SMYD3: variants seen among roughly 807,000 people sequenced by gnomAD.
The protein encoded by SMYD3 is histone-lysine N-methyltransferase SMYD3.
In SMYD3, 36 loss-of-function variants were observed where a neutral mutation model predicts 57.7. The observed-to-expected ratio is 0.62, with a 90% CI of 0.48 to 0.82. The LOEUF (loss-of-function observed/expected upper bound fraction) is 0.82. SMYD3 is among the 40% of genes least tolerant of loss of function. The pLI is 0.00. For missense variants in SMYD3, 515 were observed against 538.8 expected, an observed-to-expected ratio of 0.96 and a Z score of 0.44; for synonymous variants, 211 against 195.0, an observed-to-expected ratio of 1.08 and a Z score of -0.68.
At chr1:246,055,103 G>A (rs1369443661) in intron 5 of SMYD3, among the ~76,000 whole-genome samples, 3 of 151,940 alleles carry the variant, frequency 2.0e-5, no homozygotes, top group Non-Finnish European at 4.4e-5. Flanking sequence ...GTGAACCCGG[G>A]TGGCAGAGCT....
rs75069275 is a variant in SMYD3, at chr1:245,877,997, C to T, written c.814-14111G>A. On this transcript the variant is annotated intron_variant, in intron 8 of 11. Coordinates refer to ENST00000490107, the MANE Select transcript of SMYD3 (RefSeq NM_001167740.2). ...GGAGAAGTAAAGGAGGGCACGGAAA[C>T]GAAAGGAGAGTGTTCCCAGGAGGAG... Among the ~76,000 whole-genome samples the T allele has an allele frequency of 4.0e-3, 612 of 152,072 alleles. 4 individuals carry two copies. Among genetic ancestry groups the T allele is most frequent in the Non-Finnish European group, 6.4e-3 (435 of 67,988 alleles).
intron 1 of SMYD3, among the ~76,000 whole-genome samples, chr1:246,468,117 C>T (rs937579855): frequency 2.7e-5 from 4 of 150,406 alleles, no homozygotes; most frequent in Admixed American, 2.7e-4. Flanking sequence ...GCCATGATCT[C>T]ACCACTGCAC....
At chr1:246,174,665 T>C (rs1198797908) in intron 5 of SMYD3, among the ~76,000 whole-genome samples, 1 of 152,206 alleles carries the variant, frequency 6.6e-6, no homozygotes, top group Non-Finnish European at 1.5e-5. Flanking sequence ...CAGGCTGGTC[T>C]CAAACTCCTG....
At chr1:245,758,276 CAT>C (rs1233970882) in intron 11 of SMYD3, among the ~76,000 whole-genome samples, 3 of 152,098 alleles carry the variant, frequency 2.0e-5, no homozygotes, top group African/African-American at 7.2e-5. Flanking sequence ...TTAGTTCTAA[CAT>C]TTTTTGGTGT....
chr1:246,059,341 A>C (rs199851154), intron 5 of SMYD3, among the ~76,000 whole-genome samples: 11,473 of 136,010 alleles, frequency 0.084, 497 homozygotes, highest in African/African-American at 0.13. Flanking sequence ...TTACCTAGAG[A>C]AAAAAAAAAA....
At chr1:246,327,675 T>A (rs868053486) in intron 4 of SMYD3, among the ~76,000 whole-genome samples, 3 of 152,236 alleles carry the variant, frequency 2.0e-5, no homozygotes, top group African/African-American at 7.2e-5. Flanking sequence ...TATCAGTTCT[T>A]ATTAAGTCAG....
At chr1:245,880,926 C>CTCAAAAACAT (rs1202650354) in intron 8 of SMYD3, among the ~76,000 whole-genome samples, 40 of 152,140 alleles carry the variant, frequency 2.6e-4, no homozygotes, top group Non-Finnish European at 4.4e-5. Flanking sequence ...AAAGAGTGTG[C>CTCAAAAACAT]TGAGATCAGC....
intron 10 of SMYD3, among the ~76,000 whole-genome samples, chr1:245,791,920 A>G (rs1199890466): frequency 6.7e-6 from 1 of 149,318 alleles, no homozygotes; most frequent in Non-Finnish European, 1.5e-5. Flanking sequence ...AGACCATCTG[A>G]TTAGACTGTT....
At chr1:245,991,158 A>G (rs972572096) in intron 5 of SMYD3, among the ~76,000 whole-genome samples, 25 of 152,242 alleles carry the variant, frequency 1.6e-4, no homozygotes, top group African/African-American at 6.0e-4. Flanking sequence ...TGTGGAAAAA[A>G]TGCACTTATT....
intron 5 of SMYD3, among the ~76,000 whole-genome samples, chr1:246,075,209 C>T (rs1354360387): frequency 1.3e-5 from 2 of 151,810 alleles, no homozygotes; most frequent in African/African-American, 2.4e-5. Flanking sequence ...GAAATATCAA[C>T]AAAGAATCTT....
intron 8 of SMYD3, among the ~76,000 whole-genome samples, chr1:245,900,139 C>A (rs1405454514): frequency 6.6e-6 from 1 of 152,122 alleles, no homozygotes; most frequent in Admixed American, 6.6e-5. Context: ...TTAAACGAAT[C>A]TTTAGCTCAA....
intron 5 of SMYD3, among the ~76,000 whole-genome samples, chr1:245,982,216 C>A (rs376551119): frequency 1.3e-5 from 2 of 152,208 alleles, no homozygotes; most frequent in African/African-American, 4.8e-5. Context: ...CTCATTGCAG[C>A]CTCCACCTTC....
intron 10 of SMYD3, among the ~76,000 whole-genome samples, chr1:245,849,755 CG>C (rs1477622017): frequency 1.3e-5 from 2 of 152,180 alleles, no homozygotes; most frequent in African/African-American, 4.8e-5. Flanking sequence ...CAGACTCAAG[CG>C]ATCCTCTCAC....
At chr1:245,763,310 T>A (rs1380581043) in intron 11 of SMYD3, among the ~76,000 whole-genome samples, 3 of 152,044 alleles carry the variant, frequency 2.0e-5, no homozygotes, top group Non-Finnish European at 4.4e-5. Flanking sequence ...CACACTCTCC[T>A]GGGGGCAGGG....
chr1:246,193,221 C>A (rs1044458793), intron 5 of SMYD3, among the ~76,000 whole-genome samples: 3 of 152,056 alleles, frequency 2.0e-5, no homozygotes, highest in African/African-American at 4.8e-5. Flanking sequence ...CTGAGAGCCA[C>A]ATTGGTAGAA....
intron 5 of SMYD3, among the ~76,000 whole-genome samples, chr1:246,071,741 G>T (rs2060448309): frequency 6.6e-6 from 1 of 152,158 alleles, no homozygotes; most frequent in South Asian, 2.1e-4. Context: ...TTCTGGGGAG[G>T]GATTCGAGTG....
intron 10 of SMYD3, among the ~76,000 whole-genome samples, chr1:245,774,015 G>A (rs577677216): frequency 1.3e-5 from 2 of 152,326 alleles, no homozygotes; most frequent in Admixed American, 1.3e-4. Context: ...AATGCAGCAG[G>A]CATGGTAGCT....
intron 5 of SMYD3, among the ~76,000 whole-genome samples, chr1:246,306,972 G>A (rs911388469): frequency 1.3e-5 from 2 of 148,988 alleles, no homozygotes; most frequent in African/African-American, 2.5e-5. Flanking sequence ...CATAGGGGAG[G>A]ATGGGTTTTT....
At chr1:246,063,080 T>A (rs1331342569) in intron 5 of SMYD3, among the ~76,000 whole-genome samples, 1 of 152,138 alleles carries the variant, frequency 6.6e-6, no homozygotes, top group African/African-American at 2.4e-5. Flanking sequence ...AGTTATCTAC[T>A]AGGCAGACTC....
Sources: allele counts gnomAD v4.1 joint callset (sites outside exome capture counted in the v4.1 genomes callset), GRCh38; gene constraint gnomAD v4.1.1; transcripts MANE v1.5; gene names NCBI Gene and HGNC (gene_info 2026-07-23, HGNC 2026-07-21).